The following CAMSAP1 variants were observed in gnomAD, a reference collection of about 807,000 sequenced individuals.
CAMSAP1 encodes calmodulin regulated spectrin associated protein 1, also known as calmodulin-regulated spectrin-associated protein 1.
Under a neutral mutation model 143.5 loss-of-function variants are expected in CAMSAP1, and 58 were observed. The ratio of observed to expected loss-of-function variants is 0.40; its 90% CI spans 0.33 to 0.50. The LOEUF (loss-of-function observed/expected upper bound fraction) is 0.50. Among genes scored for constraint, CAMSAP1 ranks in the 20% least tolerant of loss-of-function variants. The probability of loss-of-function intolerance (pLI) is 0.45; values close to 1 mark genes in which losing one functional copy is unlikely to be tolerated. For synonymous variants in CAMSAP1, 945 were observed against 859.3 expected (o/e 1.10, Z -1.74); for missense variants, 1,969 against 2,115.7 (o/e 0.93, Z 1.36).
chr9:135,865,258 A>T, intron 4 of CAMSAP1: 1 of 1,426,148 alleles, frequency 7.0e-7, no homozygotes, highest in Non-Finnish European at 9.6e-7. Flanking sequence ...GGGTGCGAGC[A>T]GTTTTTAATG....
chr9:135,857,546 T>C (rs11103202), intron 5 of CAMSAP1, among the ~76,000 whole-genome samples: 1 of 152,230 alleles, frequency 6.6e-6, no homozygotes, highest in African/African-American at 2.4e-5. Flanking sequence ...GTCCTGTTGT[T>C]GGTTCTGAGG....
intron 5 of CAMSAP1, among the ~76,000 whole-genome samples, chr9:135,858,664 C>T (rs1227526922): frequency 2.0e-5 from 3 of 152,194 alleles, no homozygotes; most frequent in African/African-American, 7.2e-5. Flanking sequence ...ACAGAGAAAT[C>T]CCACAACAGG....
intron 7 of CAMSAP1, among the ~76,000 whole-genome samples, chr9:135,838,366 CAT>C (rs149863014): frequency 0.096 from 13,356 of 139,574 alleles, 1,160 homozygotes; most frequent in East Asian, 0.24. Flanking sequence ...TCTACAGACA[CAT>C]GTCATCACGC....
intron 7 of CAMSAP1, 141 bp downstream of exon 7, chr9:135,849,996 C>T (rs985303362): frequency 1.6e-5 from 10 of 617,814 alleles, no homozygotes; most frequent in African/African-American, 7.4e-5. Flanking sequence ...CAAACTCTCA[C>T]GCCCGTCCCT....
chr9:135,861,323 T>C (rs893231653), intron 5 of CAMSAP1, among the ~76,000 whole-genome samples: 23 of 150,940 alleles, frequency 1.5e-4, no homozygotes, highest in Middle Eastern at 3.4e-3. Context: ...TTTTTTTTTT[T>C]TCCCCCCGAG....
chr9:135,907,089 G>T lies in CAMSAP1; in HGVS notation c.71C>A (p.Ala24Asp). Residue 24 changes from alanine to aspartate, a missense_variant, in exon 1 of 17, where the codon GCC (alanine) becomes GAC (aspartate). Ala to Asp is a moderately radical substitution (Grantham distance 126). Coordinates refer to ENST00000389532, the MANE Select transcript of CAMSAP1 (RefSeq NM_015447.4). ...GTAGCGGTCCAGGGGCACGAGGTCGGCGGCGCCGTCCGGCGGGGCCTCCAT... is the reference window on the plus strand; with the variant it reads ...GTAGCGGTCCAGGGGCACGAGGTCGTCGGCGCCGTCCGGCGGGGCCTCCAT... Reference protein sequence around the residue: ...RKMEAPPDGAADLVPLDRYDA... With the variant: ...RKMEAPPDGADDLVPLDRYDA... The T allele has an allele frequency of 8.7e-7, 1 of 1,153,698 alleles. No homozygotes were observed. Among genetic ancestry groups the T allele is most frequent in the South Asian group, 3.1e-5 (1 of 31,850 alleles). The allele number at this position is 1,153,698 out of a possible 1,614,324, so 71.5% of individuals were successfully genotyped here.
intron 3 of CAMSAP1, among the ~76,000 whole-genome samples, chr9:135,879,085 G>A (rs1337801153): frequency 6.6e-6 from 1 of 152,174 alleles, no homozygotes; most frequent in East Asian, 1.9e-4. Flanking sequence ...AACCGCAGGG[G>A]AATGAGGAGG....
Position 135,827,424 on chromosome 9 carries a change from C to T in CAMSAP1, c.1206G>A (p.Pro402=), listed in dbSNP as rs754050487. The part of the protein sequence containing the change: ...AEGCHRHYLH[P]EEPEYLGKGT... The stretch of plus-strand genomic sequence containing the variant: ...AGACTTACAGGTATTCAGGTTCTTC[C>T]GGGTGCAGGTAGTGCCTGTGACAGC... The change falls in exon 8 of 17, where the codon CCG becomes CCA. Residue 402 remains proline, a synonymous_variant. Coordinates refer to ENST00000389532, the MANE Select transcript of CAMSAP1 (RefSeq NM_015447.4). The T allele has an allele frequency of 2.2e-5, 34 of 1,568,396 alleles. No homozygotes were observed. Among genetic ancestry groups the T allele is most frequent in the Non-Finnish European group, 2.6e-5 (30 of 1,149,322 alleles).
At chr9:135,866,609 A>G (rs1180969905) in intron 3 of CAMSAP1, 73 bp from the exon 4 acceptor site, 1 of 747,978 alleles carries the variant, frequency 1.3e-6, no homozygotes, top group Non-Finnish European at 2.4e-6. Flanking sequence ...ATTATCCCCC[A>G]GAGACCCCCA....
intron 5 of CAMSAP1, 54 bp from the exon 6 acceptor site, chr9:135,850,515 G>C: frequency 2.9e-6 from 4 of 1,402,552 alleles, no homozygotes; most frequent in Non-Finnish European, 2.9e-6. Flanking sequence ...TGCTTCGAGA[G>C]AGAGAGAAGC....
chr9:135,837,384 C>T (rs547757899), intron 7 of CAMSAP1, among the ~76,000 whole-genome samples: 3 of 150,650 alleles, frequency 2.0e-5, no homozygotes, highest in East Asian at 2.0e-4. Flanking sequence ...CACGTCATCA[C>T]GCACTTTCTG....
intron 1 of CAMSAP1, among the ~76,000 whole-genome samples, chr9:135,900,992 G>A (rs910328829): frequency 1.3e-5 from 2 of 152,124 alleles, no homozygotes; most frequent in African/African-American, 4.8e-5. Flanking sequence ...GACCTCAGGT[G>A]ATCTGCCCAC....
rs1010525386 is a variant in CAMSAP1, at chr9:135,862,531, G to A, written c.744C>T (p.Gly248=). Residue 248 remains glycine, a synonymous_variant, in exon 5 of 17, where the codon GGC becomes GGT. Transcript: ENST00000389532. The part of the protein sequence containing the change: ...FPLLEDLMRD[G]SDGAALLAVI... ...CAGCTAAGAGAGCAGCACCATCACT[G>A]CCGTCTCTCATCAAATCCTCCAACA... The A allele has an allele frequency of 1.5e-5, 23 of 1,551,544 alleles. No individual in the cohort carries two copies. Among genetic ancestry groups the A allele is most frequent in the African/African-American group, 6.8e-5 (5 of 73,024 alleles).
chr9:135,822,036 T>A lies in CAMSAP1; in HGVS notation c.2625A>T (p.Ala875=), dbSNP rs562294897. The part of the protein sequence containing the change: ...QHGKDPASLL[A]SELVQLHMQL... ...GCATGTGCAGCTGTACCAGCTCAGA[T>A]GCCAGGAGGCTGGCGGGATCCTTGC... Residue 875 remains alanine (A), a synonymous_variant, in exon 11 of 17, where the codon GCA becomes GCT. Coordinates refer to ENST00000389532, the MANE Select transcript of CAMSAP1 (RefSeq NM_015447.4). This position sits in a 1 kb window ranked among gnomAD's most constrained non-coding sequence, Gnocchi z 6.1. The A allele has an allele frequency of 1.2e-6, 2 of 1,612,798 alleles. No individual in the cohort carries two copies. Among genetic ancestry groups the A allele is most frequent in the Admixed American group, 3.3e-5 (2 of 60,016 alleles).
In CAMSAP1 at chr9:135,818,893, G is replaced by T; in HGVS notation, c.3959+117C>A. On this transcript the variant is annotated intron_variant, in intron 12 of 16. Transcript: ENST00000389532. The surrounding 1 kb of genome is among the most constrained non-coding windows in gnomAD (Gnocchi z 7.7). ...GGGAGGTGGTCCATGGGAGGAGTAA[G>T]ACCGTCACAGGCACTCATTGCCATG... 6.9e-7 allele frequency: 1 copy of T among 1,452,616 alleles called. No individual in the cohort carries two copies. The highest frequency in any genetic ancestry group is 9.3e-7 in the Non-Finnish European group (1 of 1,080,166). 90.0% of individuals were successfully genotyped at this position (1,452,616 alleles called of 1,614,324 possible). A position where few individuals can be genotyped will look rare whatever the true frequency, so the allele number is the denominator to read the frequency against.
chr9:135,865,423 T>C, intron 4 of CAMSAP1: 8 of 1,512,440 alleles, frequency 5.3e-6, no homozygotes, highest in Non-Finnish European at 7.2e-6. Context: ...CAGGTCCACG[T>C]GTGGACGAGG....
chr9:135,868,093 A>C (rs7045144), intron 3 of CAMSAP1, among the ~76,000 whole-genome samples: 2,387 of 152,246 alleles, frequency 0.016, 72 homozygotes, highest in African/African-American at 0.052. Flanking sequence ...CCAGCCGTAT[A>C]TTTGGAAAAT....
chr9:135,854,778 T>C (rs1009082320), intron 5 of CAMSAP1, among the ~76,000 whole-genome samples: 4 of 152,172 alleles, frequency 2.6e-5, no homozygotes, highest in African/African-American at 9.7e-5. Context: ...TGTTAACTTT[T>C]ATTTTAGGTT....
At chr9:135,878,367 C>T (rs555509884) in intron 3 of CAMSAP1, among the ~76,000 whole-genome samples, 6 of 146,138 alleles carry the variant, frequency 4.1e-5, no homozygotes, top group South Asian at 2.2e-4. Context: ...CTGCAGAGGA[C>T]GACACAGAGC....
Sources: allele counts gnomAD v4.1 joint callset (sites outside exome capture counted in the v4.1 genomes callset), GRCh38; gene constraint gnomAD v4.1.1; non-coding constraint Gnocchi (gnomAD v3.1); transcripts MANE v1.5; gene names NCBI Gene and HGNC (gene_info 2026-07-23, HGNC 2026-07-21).